KDM3B: variants seen among roughly 807,000 people sequenced by gnomAD.
KDM3B encodes lysine-specific demethylase 3B.
A neutral mutation model predicts 170.0 loss-of-function variants in KDM3B; 10 were observed. The ratio of observed to expected loss-of-function variants is 0.06; its 90% CI spans 0.04 to 0.10. The LOEUF (loss-of-function observed/expected upper bound fraction) is 0.10, where lower values mean the gene tolerates loss of function less well. Among genes scored for constraint, KDM3B ranks in the 10% least tolerant of loss-of-function variants. KDM3B has a pLI of 1.00. For synonymous variants in KDM3B, 831 were observed against 834.8 expected, an observed-to-expected ratio of 1.00 and a Z score of 0.08; for missense variants, 1,394 against 2,195.2, an observed-to-expected ratio of 0.64 and a Z score of 7.29.
chr5:138,411,466 G>A lies in KDM3B; in HGVS notation c.3200-3666G>A, dbSNP rs543799476. Among the ~76,000 whole-genome samples, 5 of 152,128 alleles carry A rather than the reference G, an allele frequency of 3.3e-5. No homozygotes were observed. In the South Asian group the frequency reaches 8.3e-4, roughly 25 times the overall value. On this transcript the variant is annotated intron_variant, in intron 11 of 23. Coordinates refer to ENST00000314358, the MANE Select transcript of KDM3B (RefSeq NM_016604.4). ...TATATTTATTATACTGGAACAGCTC[G>A]TGTCCTTGGTCTCTTGCCTCGGCGC... is the stretch of plus-strand genomic sequence containing the variant.
chr5:138,428,216 TGGGGGG>T, intron 20 of KDM3B, 130 bp downstream of exon 20: 1 of 930,954 alleles, frequency 1.1e-6, no homozygotes, highest in Non-Finnish European at 1.6e-6. Flanking sequence ...TTTTTTTTTT[TGGGGGG>T]CGGGGAGGCA....
rs934158637 is a variant in KDM3B, at chr5:138,366,853, G to A, written c.193-5821G>A. Among the ~76,000 whole-genome samples, 12 of 152,232 alleles carry A rather than the reference G, an allele frequency of 7.9e-5. No homozygotes were observed. The East Asian group carries it at 1.3e-3, about 17-fold the overall frequency. On this transcript the variant is annotated intron_variant, in intron 1 of 23. Transcript: ENST00000314358. ...ATTCAAATGCATAATATAAACAAAC[G>A]AAAGAACACTCCTGGCCAAACAACA...
chr5:138,434,106 C>T (rs62382361), intron 23 of KDM3B, among the ~76,000 whole-genome samples: 2,861 of 152,216 alleles, frequency 0.019, 40 homozygotes, highest in Non-Finnish European at 0.029. Flanking sequence ...ACACCTTTCC[C>T]GAGCTAGGGA....
intron 11 of KDM3B, among the ~76,000 whole-genome samples, chr5:138,401,556 T>TA (rs1293040577): frequency 6.6e-6 from 1 of 152,252 alleles, no homozygotes; most frequent in Non-Finnish European, 1.5e-5. Context: ...ATTTGGCTAT[T>TA]ATGAATAGTG....
At chr5:138,412,881 G>A (rs1474669976) in intron 11 of KDM3B, among the ~76,000 whole-genome samples, 5 of 152,122 alleles carry the variant, frequency 3.3e-5, no homozygotes, top group African/African-American at 4.8e-5. Flanking sequence ...ACGCTCAAGC[G>A]ATTCTTCCAC....
At chr5:138,433,365 G>A (rs959173930) in intron 23 of KDM3B, among the ~76,000 whole-genome samples, 6 of 150,270 alleles carry the variant, frequency 4.0e-5, no homozygotes, top group Non-Finnish European at 7.4e-5. Context: ...ACCCGCCCTC[G>A]GCCTCCCAAA....
chr5:138,353,205 A>G (rs1696084025), intron 1 of KDM3B, among the ~76,000 whole-genome samples: 1 of 152,132 alleles, frequency 6.6e-6, no homozygotes, highest in Non-Finnish European at 1.5e-5. Flanking sequence ...GGGGGCGGCC[A>G]GGGCGTCCGG....
chr5:138,425,794 T>C (rs1262673532), intron 17 of KDM3B: 1 of 425,108 alleles, frequency 2.4e-6, no homozygotes, highest in Non-Finnish European at 4.2e-6. Flanking sequence ...TCACTTGGGG[T>C]CAGGAGTTCA....
chr5:138,436,876 C>T lies in KDM3B; in HGVS notation c.*1176C>T, dbSNP rs1033891635. On this transcript the variant is annotated 3_prime_UTR_variant, in exon 24 of 24. Coordinates refer to ENST00000314358, the MANE Select transcript of KDM3B (RefSeq NM_016604.4). ...TCTCCAGCTGTACTGTAGTGCCCTGCAGGCTGTTTATATGTTCACAGTTAC... is the reference window on the plus strand; with the variant it reads ...TCTCCAGCTGTACTGTAGTGCCCTGTAGGCTGTTTATATGTTCACAGTTAC... The T allele has an allele frequency of 6.6e-6, 1 of 150,396 alleles. No homozygotes were observed. Among genetic ancestry groups the T allele is most frequent in the African/African-American group, 2.4e-5 (1 of 40,870 alleles). 9.3% of individuals were successfully genotyped at this position (150,396 alleles called of 1,614,324 possible).
At chr5:138,408,086 A>G (rs1762868917) in intron 11 of KDM3B, among the ~76,000 whole-genome samples, 1 of 152,214 alleles carries the variant, frequency 6.6e-6, no homozygotes, top group Non-Finnish European at 1.5e-5. Flanking sequence ...TCGCTTTGTC[A>G]ACCATATGTA....
intron 11 of KDM3B, among the ~76,000 whole-genome samples, chr5:138,414,540 C>T (rs150311447): frequency 1.3e-3 from 205 of 152,186 alleles, no homozygotes; most frequent in African/African-American, 4.5e-3. Flanking sequence ...CTACAAAGAG[C>T]CTGAGAGAAC....
At chr5:138,396,434 A>G (rs1288062417) in intron 9 of KDM3B, among the ~76,000 whole-genome samples, 4 of 152,184 alleles carry the variant, frequency 2.6e-5, no homozygotes, top group Admixed American at 6.5e-5. Flanking sequence ...GCTCAAGCAG[A>G]TAAATGGAGG....
chr5:138,411,192 G>T (rs1192212998), intron 11 of KDM3B, among the ~76,000 whole-genome samples: 1 of 152,224 alleles, frequency 6.6e-6, no homozygotes, highest in Non-Finnish European at 1.5e-5. Context: ...TGGCGTCACC[G>T]CTAGACCAAG....
intron 7 of KDM3B, among the ~76,000 whole-genome samples, chr5:138,387,877 C>G (rs568802080): frequency 7.0e-4 from 107 of 152,204 alleles, no homozygotes; most frequent in African/African-American, 1.9e-3. Flanking sequence ...GTCAGGAGAT[C>G]AAGACCATCC....
intron 5 of KDM3B, among the ~76,000 whole-genome samples, chr5:138,380,689 A>C (rs1045195834): frequency 7.2e-5 from 11 of 152,164 alleles, no homozygotes; most frequent in African/African-American, 2.7e-4. Flanking sequence ...TGCACAATAA[A>C]TTTGAAATTT....
chr5:138,400,642 C>A (rs1410328073), intron 11 of KDM3B, among the ~76,000 whole-genome samples: 1 of 152,028 alleles, frequency 6.6e-6, no homozygotes, highest in Non-Finnish European at 1.5e-5. Context: ...CACAGCTACT[C>A]AGGAGGCTGA....
At chr5:138,372,593 C>A in intron 1 of KDM3B, 81 bp from the exon 2 acceptor site, 1 of 1,194,314 alleles carries the variant, frequency 8.4e-7, no homozygotes, top group East Asian at 2.4e-5. Context: ...TTGTTCAAAA[C>A]AGTGGGGTTT....
At chr5:138,384,916 G>GAAA (rs766207020) in intron 6 of KDM3B, among the ~76,000 whole-genome samples, 1 of 106,906 alleles carries the variant, frequency 9.4e-6, no homozygotes, top group Non-Finnish European at 2.0e-5. Context: ...TCCATCTCAG[G>GAAA]AAAAAAAAAA....
rs755496555 is a variant in KDM3B, at chr5:138,429,971, C to A, written c.4893+6C>A. Reference sequence around the variant, plus strand: ...TCCGGGAGCTGCTCCGAAAGGTACGCCCCTGGGTGGGCTGTGCTCCCAGCT... The same window carrying A: ...TCCGGGAGCTGCTCCGAAAGGTACGACCCTGGGTGGGCTGTGCTCCCAGCT... On this transcript the variant is annotated splice_donor_region_variant and intron_variant, in intron 21 of 23. Coordinates refer to ENST00000314358, the MANE Select transcript of KDM3B (RefSeq NM_016604.4). 2.6e-5 allele frequency: 42 copies of A among 1,613,756 alleles called. No individual in the cohort carries two copies. The highest frequency in any genetic ancestry group is 3.3e-5 in the Admixed American group (2 of 59,994).
Sources: allele counts gnomAD v4.1 joint callset (sites outside exome capture counted in the v4.1 genomes callset), GRCh38; gene constraint gnomAD v4.1.1; transcripts MANE v1.5; gene names NCBI Gene and HGNC (gene_info 2026-07-23, HGNC 2026-07-21).